Variants in DLGAP2 observed in about 807,000 individuals in gnomAD.
DLGAP2 encodes disks large-associated protein 2.
Under a neutral mutation model 100.3 loss-of-function variants are expected in DLGAP2, and 26 were observed. The observed-to-expected ratio is 0.26, with a 90% CI of 0.19 to 0.36. DLGAP2 has a LOEUF of 0.36. Ranked by LOEUF, DLGAP2 falls within the 10% of genes least tolerant of loss-of-function variation. DLGAP2 has a pLI of 1.00. For synonymous variants in DLGAP2, 886 were observed against 630.1 expected (o/e 1.41, Z -6.08); for missense variants, 1,858 against 1,453.2 (o/e 1.28, Z -4.53).
At chr8:1,097,404 C>G (rs1230403706) in intron 2 of DLGAP2, among the ~76,000 whole-genome samples, 9 of 131,016 alleles carry the variant, frequency 6.9e-5, no homozygotes, top group East Asian at 2.5e-4. Context: ...GGCCTTCACC[C>G]TCTGTGGCAT....
intron 8 of DLGAP2, among the ~76,000 whole-genome samples, chr8:1,639,111 C>A (rs1321689198): frequency 6.6e-6 from 1 of 152,184 alleles, no homozygotes; most frequent in Non-Finnish European, 1.5e-5. Flanking sequence ...AGCTGAGGGT[C>A]CCATGACTTG....
chr8:1,244,812 T>C (rs533957462), intron 2 of DLGAP2, among the ~76,000 whole-genome samples: 1 of 152,348 alleles, frequency 6.6e-6, no homozygotes, highest in South Asian at 2.1e-4. Context: ...TTTGTGTGTT[T>C]CAGAGGTTAC....
At chr8:1,593,689 A>G (rs1434387362) in intron 6 of DLGAP2, among the ~76,000 whole-genome samples, 3 of 137,556 alleles carry the variant, frequency 2.2e-5, no homozygotes, top group Non-Finnish European at 5.0e-5. Context: ...AACTTTTCCA[A>G]GAGAGCTCCC....
In DLGAP2 at chr8:1,701,831, G is replaced by A. The variant is rs549771429; in HGVS notation, c.*425G>A. ...GGGTGCATCCCACCACTCCCTGGAG[G>A]CATTAGACACCCAAGTGGAAGGTGC... On this transcript the variant is annotated 3_prime_UTR_variant, in exon 15 of 15. Transcript: ENST00000637795. 15 of 167,918 alleles carry A rather than the reference G, an allele frequency of 8.9e-5. No individual in the cohort carries two copies. The East Asian group carries it at 1.7e-3, about 19-fold the overall frequency. The allele number at this position is 167,918 out of a possible 1,614,324, so 10.4% of individuals were successfully genotyped here. A position where few individuals can be genotyped will look rare whatever the true frequency, so the allele number is the denominator to read the frequency against.
rs1176585751 is a variant in DLGAP2 at position 1,238,559 on chromosome 8, A to G, written c.74-20292A>G. ...GGTTCTCTCACATGGTGCCGTGTCT[A>G]GTTCTCTCCCATGGCGCCGTGTCTA... On this transcript the variant is annotated intron_variant, in intron 2 of 14. Transcript: ENST00000637795. 4.0e-3 allele frequency among the ~76,000 whole-genome samples: 286 copies of G among 71,708 alleles called. 7 individuals carry two copies. The highest frequency in any genetic ancestry group is 0.015 in the African/African-American group (249 of 16,240). 47.0% of individuals were successfully genotyped at this position (71,708 alleles called of 152,430 possible). A position where few individuals can be genotyped will look rare whatever the true frequency, so the allele number is the denominator to read the frequency against.
chr8:1,408,579 C>G (rs1475445287), intron 3 of DLGAP2, among the ~76,000 whole-genome samples: 7 of 152,218 alleles, frequency 4.6e-5, no homozygotes, highest in Non-Finnish European at 1.0e-4. Context: ...ACGGTGTTAA[C>G]TGTTCGGCAA....
At chr8:1,207,147 A>C (rs1376081773) in intron 2 of DLGAP2, among the ~76,000 whole-genome samples, 1 of 152,188 alleles carries the variant, frequency 6.6e-6, no homozygotes, top group Non-Finnish European at 1.5e-5. Context: ...TATATGGATA[A>C]GTGACTGAGT....
At chr8:1,382,893 A>G (rs2129773303) in intron 3 of DLGAP2, among the ~76,000 whole-genome samples, 1 of 152,262 alleles carries the variant, frequency 6.6e-6, no homozygotes, top group South Asian at 2.1e-4. Flanking sequence ...AAAATTATGG[A>G]AGGGATGTAT....
intron 7 of DLGAP2, among the ~76,000 whole-genome samples, chr8:1,628,607 G>C (rs942446926): frequency 1.3e-5 from 2 of 149,812 alleles, no homozygotes; most frequent in African/African-American, 5.0e-5. Flanking sequence ...ACTTACTGTG[G>C]AGCAGGAATT....
At chr8:1,037,188 C>T (rs989191704) in intron 2 of DLGAP2, among the ~76,000 whole-genome samples, 2 of 152,176 alleles carry the variant, frequency 1.3e-5, no homozygotes, top group African/African-American at 4.8e-5. Flanking sequence ...GCTCAACAGC[C>T]TTGAGCGTCC....
intron 1 of DLGAP2, among the ~76,000 whole-genome samples, chr8:819,787 T>C (rs545517526): frequency 6.6e-6 from 1 of 152,294 alleles, no homozygotes; most frequent in South Asian, 2.1e-4. Context: ...TAAAACATCA[T>C]CAAGTACTTG....
rs544236744 is a variant in DLGAP2, at chr8:749,849, G to T, written c.18+12024G>T. On this transcript the variant is annotated intron_variant, in intron 1 of 14. Coordinates refer to ENST00000637795, the MANE Select transcript of DLGAP2 (RefSeq NM_001346810.2). ...ATCCTGGGGCCTGCTCCCTCCAGAG[G>T]TGTGGGGAGGGTCCCCTCCTCTCCT... Among the ~76,000 whole-genome samples, 4 of 152,320 alleles carry T rather than the reference G, an allele frequency of 2.6e-5. No homozygotes were observed. In the East Asian group the frequency reaches 7.7e-4, roughly 29 times the overall value.
intron 3 of DLGAP2, among the ~76,000 whole-genome samples, chr8:1,390,380 TTTTC>T (rs1796321780): frequency 1.3e-5 from 2 of 152,164 alleles, no homozygotes; most frequent in Non-Finnish European, 2.9e-5. Context: ...TTTTTTTTCA[TTTTC>T]TTCCTTTTGC....
At position 1,013,660 on chromosome 8, in the gene DLGAP2, A is replaced by ACGG. The variant is rs771750544; in HGVS notation, c.73+105696_73+105697insGCG. On this transcript the variant is annotated intron_variant, in intron 2 of 14. Coordinates refer to ENST00000637795, the MANE Select transcript of DLGAP2 (RefSeq NM_001346810.2). Reference sequence around the variant, plus strand: ...TCCACTGTGTGTGTGACCAGGACAGACGCCTCCACTGTGTGAGACCAGGAC... The same window carrying ACGG: ...TCCACTGTGTGTGTGACCAGGACAGACGGCGCCTCCACTGTGTGAGACCAGGAC... Among the ~76,000 whole-genome samples, 23 of 123,088 alleles carry ACGG rather than the reference A, an allele frequency of 1.9e-4. No individual in the cohort carries two copies. The South Asian group carries it at 1.9e-3, about 10-fold the overall frequency. The allele number at this position is 123,088 out of a possible 152,430, so 80.8% of individuals were successfully genotyped here. A position where few individuals can be genotyped will look rare whatever the true frequency, so the allele number is the denominator to read the frequency against.
intron 6 of DLGAP2, among the ~76,000 whole-genome samples, chr8:1,592,762 G>C (rs1311388847): frequency 6.6e-6 from 1 of 152,078 alleles, no homozygotes; most frequent in East Asian, 1.9e-4. Context: ...CAAATGGAAG[G>C]GCAATATAAA....
chr8:1,054,491 G>C (rs1802819318), intron 2 of DLGAP2, among the ~76,000 whole-genome samples: 2 of 152,222 alleles, frequency 1.3e-5, no homozygotes, highest in Middle Eastern at 3.4e-3. Flanking sequence ...CATAAGTGCT[G>C]TCATTAAAGT....
chr8:849,134 C>T (rs568847326), intron 1 of DLGAP2, among the ~76,000 whole-genome samples: 88 of 151,440 alleles, frequency 5.8e-4, no homozygotes, highest in Middle Eastern at 3.4e-3. Context: ...GGTATAGGAT[C>T]ATGTGATGTG....
chr8:1,265,088 CATA>C (rs1799425798), intron 3 of DLGAP2, among the ~76,000 whole-genome samples: 1 of 152,076 alleles, frequency 6.6e-6, no homozygotes, highest in Admixed American at 6.6e-5. Context: ...AGTATTTCTT[CATA>C]GCACTATGAA....
At chr8:1,096,885 CCTCCAGCGTGAGACCCACCTCCCTGCG>C (rs1194236806) in intron 2 of DLGAP2, among the ~76,000 whole-genome samples, 2 of 142,304 alleles carry the variant, frequency 1.4e-5, no homozygotes, top group Non-Finnish European at 3.0e-5. Context: ...GGAGAGGTCT[CCTCCAGCGTGAGACCCACCTCCCTGCG>C]CTCAGTACAG....
Sources: gnomAD v4.1 joint callset for allele counts (sites outside exome capture counted in the v4.1 genomes callset) on GRCh38, gnomAD v4.1.1 for gene constraint, MANE v1.5 for transcripts, NCBI Gene and HGNC (gene_info 2026-07-23, HGNC 2026-07-21) for gene names.